Variants in STK33 observed in about 807,000 individuals in gnomAD.
STK33 encodes serine/threonine-protein kinase 33.
STK33 carries 52 observed loss-of-function variants against 58.0 expected under a neutral mutation model. The observed-to-expected ratio is 0.90, with a 90% CI of 0.72 to 1.13. The LOEUF (loss-of-function observed/expected upper bound fraction) is 1.13, where lower values mean the gene tolerates loss of function less well. STK33 is among the 50% of genes most tolerant of loss of function. The pLI, the probability that STK33 is intolerant of heterozygous loss-of-function variation, is 0.00. For synonymous variants in STK33, 215 were observed against 200.1 expected (o/e 1.07, Z -0.63); for missense variants, 630 against 604.2 (o/e 1.04, Z -0.45).
At chr11:8,485,285 G>GT (rs1264886521) in intron 1 of STK33, among the ~76,000 whole-genome samples, 1 of 152,126 alleles carries the variant, frequency 6.6e-6, no homozygotes, top group Non-Finnish European at 1.5e-5. Flanking sequence ...TGCAAAAATT[G>GT]TAAGTGATTC....
intron 6 of STK33, 63 bp downstream of exon 6, chr11:8,473,076 GATTTATTTTTCAATCATTTTTCCT>G (rs1948932950): frequency 6.4e-6 from 5 of 786,356 alleles, no homozygotes; most frequent in Non-Finnish European, 8.1e-6. Context: ...TTTCCTTAGA[GATTTATTTTTCAATCATTTTTCCT>G]ATTAACCATT....
At chr11:8,582,414 G>C (rs961537852) in intron 1 of STK33, among the ~76,000 whole-genome samples, 1 of 152,332 alleles carries the variant, frequency 6.6e-6, no homozygotes. Context: ...TTGACTCACA[G>C]TTCAGCATGG....
chr11:8,592,105 C>G (rs572215206), intron 1 of STK33, among the ~76,000 whole-genome samples: 2 of 152,216 alleles, frequency 1.3e-5, no homozygotes, highest in African/African-American at 4.8e-5. Flanking sequence ...GAAAAACAAG[C>G]AATCAGCCCA....
At chr11:8,496,818 C>T (rs1806034338) in intron 1 of STK33, among the ~76,000 whole-genome samples, 1 of 152,100 alleles carries the variant, frequency 6.6e-6, no homozygotes. Flanking sequence ...TTGTGATCCA[C>T]CTGCCTCGGC....
At chr11:8,499,571 G>A (rs967740161) in intron 1 of STK33, among the ~76,000 whole-genome samples, 1 of 152,106 alleles carries the variant, frequency 6.6e-6, no homozygotes, top group African/African-American at 2.4e-5. Flanking sequence ...CCATTACTGG[G>A]TATATACCCA....
rs1590671573 is a variant in STK33 at position 8,392,275 on chromosome 11, C to A, written c.*235G>T. The A allele has an allele frequency of 7.3e-6, 4 of 545,154 alleles. No homozygotes were observed. Among genetic ancestry groups the A allele is most frequent in the Non-Finnish European group, 1.3e-5 (4 of 308,816 alleles). 33.8% of individuals were successfully genotyped at this position (545,154 alleles called of 1,614,324 possible). On this transcript the variant is annotated 3_prime_UTR_variant, in exon 16 of 16. Transcript: ENST00000687296. ...CTTCGTGTACATCTTGAGTTGATTT[C>A]CACTGCAGCCCACTGCCAAGCCTAC...
Position 8,392,714 on chromosome 11 carries a change from C to A in STK33, c.1345-4G>T, listed in dbSNP as rs1352056077. 5 of 1,613,880 alleles carry A rather than the reference C, an allele frequency of 3.1e-6. No individual in the cohort carries two copies. The highest frequency in any genetic ancestry group is 4.2e-6 in the Non-Finnish European group (5 of 1,179,912). On this transcript the variant is annotated splice_polypyrimidine_tract_variant and splice_region_variant and intron_variant, in intron 15 of 15. Transcript: ENST00000687296. ...ATTGCTTTTCATAAGCAGTAGACTG[C>A]AAATAAAAGGTCTTGATTAATTTTC...
intron 14 of STK33, among the ~76,000 whole-genome samples, chr11:8,415,493 A>C (rs1278517715): frequency 6.6e-6 from 1 of 152,130 alleles, no homozygotes; most frequent in Non-Finnish European, 1.5e-5. Context: ...CTGAACTGGT[A>C]ATTACAGAAG....
At chr11:8,432,015 T>C (rs1215251561) in intron 14 of STK33, among the ~76,000 whole-genome samples, 1 of 152,258 alleles carries the variant, frequency 6.6e-6, no homozygotes, top group African/African-American at 2.4e-5. Flanking sequence ...CTTACTAAAT[T>C]GTAAGTTCCT....
chr11:8,515,373 G>T (rs190727105), intron 1 of STK33, among the ~76,000 whole-genome samples: 1 of 152,002 alleles, frequency 6.6e-6, no homozygotes, highest in Admixed American at 6.6e-5. Flanking sequence ...GAAACAGAAA[G>T]TCTAAACAGA....
intron 6 of STK33, chr11:8,466,603 GT>G (rs1260847647): frequency 6.6e-6 from 1 of 152,274 alleles, no homozygotes; most frequent in Admixed American, 6.5e-5. Flanking sequence ...CTGACATTAA[GT>G]GTCTGTGGCC....
At chr11:8,449,418 T>C (rs1355817440) in intron 11 of STK33, among the ~76,000 whole-genome samples, 1 of 151,396 alleles carries the variant, frequency 6.6e-6, no homozygotes, top group African/African-American at 2.5e-5. Flanking sequence ...ATTAAGAAAA[T>C]GTGGCACATA....
intron 1 of STK33, among the ~76,000 whole-genome samples, chr11:8,504,299 G>A (rs1418928238): frequency 3.9e-5 from 6 of 152,162 alleles, no homozygotes; most frequent in Admixed American, 3.3e-4. Flanking sequence ...TTGGGTGTGG[G>A]AATATGTAAG....
At chr11:8,489,771 T>A (rs981841876) in intron 1 of STK33, among the ~76,000 whole-genome samples, 1 of 152,208 alleles carries the variant, frequency 6.6e-6, no homozygotes, top group African/African-American at 2.4e-5. Context: ...ATTATTTTTT[T>A]AAATTAAATA....
At chr11:8,534,560 C>CTGTGTG (rs1230223586) in intron 1 of STK33, among the ~76,000 whole-genome samples, 24 of 120,036 alleles carry the variant, frequency 2.0e-4, no homozygotes, top group African/African-American at 6.8e-4. Context: ...CTCTCTCTCT[C>CTGTGTG]TCTCTCTCTG....
intron 1 of STK33, among the ~76,000 whole-genome samples, chr11:8,518,748 C>T (rs544573392): frequency 2.0e-4 from 30 of 152,230 alleles, no homozygotes; most frequent in African/African-American, 7.2e-4. Flanking sequence ...ACAAAGAAGG[C>T]CATTACTTAA....
chr11:8,585,222 A>ATT (rs34448251), intron 1 of STK33, among the ~76,000 whole-genome samples: 41,163 of 89,232 alleles, frequency 0.46, 10,587 homozygotes, highest in Non-Finnish European at 0.5. Context: ...TGCACCCAGC[A>ATT]TTTTTTTTTT....
intron 14 of STK33, among the ~76,000 whole-genome samples, chr11:8,420,360 T>C (rs1941738469): frequency 6.6e-6 from 1 of 152,170 alleles, no homozygotes; most frequent in Non-Finnish European, 1.5e-5. Flanking sequence ...ATAGTAACTA[T>C]GTGAGTAGAT....
At chr11:8,577,313 C>T (rs971372926) in intron 1 of STK33, among the ~76,000 whole-genome samples, 3 of 151,782 alleles carry the variant, frequency 2.0e-5, no homozygotes, top group South Asian at 2.1e-4. Context: ...TTCTAAGAAA[C>T]AAAAAATAGC....
Sources: allele counts gnomAD v4.1 joint callset (sites outside exome capture counted in the v4.1 genomes callset), GRCh38; gene constraint gnomAD v4.1.1; transcripts MANE v1.5; gene names NCBI Gene and HGNC (gene_info 2026-07-23, HGNC 2026-07-21).